PRKCB: variants seen among roughly 807,000 people sequenced by gnomAD.
PRKCB encodes protein kinase C beta type.
A neutral mutation model predicts 81.5 loss-of-function variants in PRKCB; 13 were observed. The ratio of observed to expected loss-of-function variants is 0.16; its 90% CI spans 0.10 to 0.25. PRKCB has a LOEUF of 0.25. PRKCB is among the 10% of genes least tolerant of loss of function. The probability of loss-of-function intolerance (pLI) is 1.00; values close to 1 mark genes in which losing one functional copy is unlikely to be tolerated. For missense variants in PRKCB, 509 were observed against 875.7 expected (o/e 0.58, Z 5.29); for synonymous variants, 335 against 321.4 (o/e 1.04, Z -0.45).
chr16:24,109,095 G>C (rs1298392805), intron 7 of PRKCB, among the ~76,000 whole-genome samples: 1 of 147,512 alleles, frequency 6.8e-6, no homozygotes, highest in East Asian at 2.1e-4. Context: ...TCACTTCCCA[G>C]TAGGGGCGGC....
rs1441957702 is a variant in PRKCB at position 24,046,850 on chromosome 16, A to G, written c.529+11303A>G. Among the ~76,000 whole-genome samples the G allele has an allele frequency of 2.0e-5, 3 of 152,180 alleles. No homozygotes were observed. The East Asian group carries it at 5.8e-4, about 29-fold the overall frequency. On this transcript the variant is annotated intron_variant, in intron 5 of 16. Transcript: ENST00000643927. ...GCAAGGTCAGTGTGTTTAGGCCCCA[A>G]AACCACCCAGTGGGGGCAGTCATTT...
chr16:24,191,405 A>C, intron 16 of PRKCB, 175 bp downstream of exon 16: 1 of 593,772 alleles, frequency 1.7e-6, no homozygotes, highest in Non-Finnish European at 2.8e-6. Flanking sequence ...GACATTTTCC[A>C]TTGGCCCAGC....
At chr16:24,161,524 TACCACAA>T (rs1967257674) in intron 10 of PRKCB, among the ~76,000 whole-genome samples, 1 of 152,220 alleles carries the variant, frequency 6.6e-6, no homozygotes, top group Non-Finnish European at 1.5e-5. Flanking sequence ...TTTTTTAATG[TACCACAA>T]GATGGCAAAG....
At chr16:24,052,159 A>C (rs905948913) in intron 5 of PRKCB, among the ~76,000 whole-genome samples, 1 of 152,260 alleles carries the variant, frequency 6.6e-6, no homozygotes, top group Non-Finnish European at 1.5e-5. Context: ...GCATAGTTAA[A>C]AATGCCAATG....
At chr16:24,103,276 T>G (rs531440610) in intron 7 of PRKCB, among the ~76,000 whole-genome samples, 2 of 152,364 alleles carry the variant, frequency 1.3e-5, no homozygotes, top group African/African-American at 4.8e-5. Context: ...AGTTGAGGTT[T>G]TAGTTTCTTT....
chr16:24,073,069 G>C (rs997321885), intron 5 of PRKCB, among the ~76,000 whole-genome samples: 1 of 152,160 alleles, frequency 6.6e-6, no homozygotes, highest in African/African-American at 2.4e-5. Context: ...CTGCCTCTCT[G>C]GCCTTGTTAG....
chr16:23,868,621 G>A (rs759258753), intron 2 of PRKCB, among the ~76,000 whole-genome samples: 6 of 152,170 alleles, frequency 3.9e-5, no homozygotes, highest in East Asian at 3.8e-4. Flanking sequence ...ATAACAAAAC[G>A]CATGCTCTTA....
At chr16:24,164,857 A>G (rs1447564847) in intron 10 of PRKCB, among the ~76,000 whole-genome samples, 2 of 152,190 alleles carry the variant, frequency 1.3e-5, no homozygotes, top group African/African-American at 2.4e-5. Flanking sequence ...TGTGGTGATA[A>G]GGAAGATTTT....
chr16:23,923,208 G>C (rs747027893), intron 2 of PRKCB, among the ~76,000 whole-genome samples: 1 of 152,042 alleles, frequency 6.6e-6, no homozygotes, highest in Admixed American at 6.5e-5. Flanking sequence ...AAAAGTCCAA[G>C]GGTAGCTGCC....
intron 15 of PRKCB, among the ~76,000 whole-genome samples, chr16:24,190,841 G>A (rs1021807850): frequency 6.6e-6 from 1 of 152,054 alleles, no homozygotes; most frequent in African/African-American, 2.4e-5. Flanking sequence ...CTAACTTGAA[G>A]TTCACGGCCA....
rs140175711 is a variant in PRKCB at position 23,875,716 on chromosome 16, A to G, written c.205+38310A>G. Among the ~76,000 whole-genome samples the G allele has an allele frequency of 9.0e-4, 116 of 128,184 alleles. 13 individuals carry two copies. Among genetic ancestry groups the G allele is most frequent in the African/African-American group, 3.3e-3 (104 of 31,462 alleles). The allele number at this position is 128,184 out of a possible 152,430, so 84.1% of individuals were successfully genotyped here. On this transcript the variant is annotated intron_variant, in intron 2 of 16. Transcript: ENST00000643927. ...GTATGTATATCACACATATATATGT[A>G]TGTATATCACACATATATATGTATG...
intron 2 of PRKCB, among the ~76,000 whole-genome samples, chr16:23,883,869 T>C (rs1963160496): frequency 6.6e-6 from 1 of 152,210 alleles, no homozygotes; most frequent in African/African-American, 2.4e-5. Context: ...ACCTGAGCTG[T>C]GTATGTAATT....
chr16:23,838,789 G>A (rs1282195559), intron 2 of PRKCB, among the ~76,000 whole-genome samples: 2 of 152,200 alleles, frequency 1.3e-5, no homozygotes, highest in East Asian at 1.9e-4. Context: ...TGAGATCGGG[G>A]TCCCGGTGGG....
chr16:24,103,725 C>T (rs2141909695), intron 7 of PRKCB, among the ~76,000 whole-genome samples: 1 of 152,298 alleles, frequency 6.6e-6, no homozygotes, highest in African/African-American at 2.4e-5. Flanking sequence ...CTCCCCTCTA[C>T]AGTTCCTAGT....
chr16:23,853,785 T>G (rs934935954), intron 2 of PRKCB, among the ~76,000 whole-genome samples: 1 of 151,618 alleles, frequency 6.6e-6, no homozygotes, highest in African/African-American at 2.4e-5. Flanking sequence ...TGTCAGACTT[T>G]CTAGTTTTTC....
chr16:24,116,893 T>C (rs920898254), intron 8 of PRKCB, among the ~76,000 whole-genome samples: 2 of 152,198 alleles, frequency 1.3e-5, no homozygotes, highest in Non-Finnish European at 2.9e-5. Context: ...TGGGGTGACA[T>C]TTCAGAACAC....
chr16:24,112,946 G>A, intron 7 of PRKCB, 27 bp from the exon 8 acceptor site: 3 of 1,490,262 alleles, frequency 2.0e-6, no homozygotes, highest in East Asian at 2.3e-5. Flanking sequence ...GTCATGAAAT[G>A]TGTCCCACCC....
At chr16:24,140,572 G>A (rs902758924) in intron 9 of PRKCB, among the ~76,000 whole-genome samples, 2 of 152,120 alleles carry the variant, frequency 1.3e-5, no homozygotes, top group Non-Finnish European at 1.5e-5. Context: ...CAGTCATAGG[G>A]GTGTGGAAAA....
intron 9 of PRKCB, among the ~76,000 whole-genome samples, chr16:24,143,706 CTTGT>C (rs1476672800): frequency 6.6e-6 from 1 of 152,194 alleles, no homozygotes; most frequent in Non-Finnish European, 1.5e-5. Flanking sequence ...AGAAGACTCA[CTTGT>C]TTGTTTCATG....
Sources: gnomAD v4.1 joint callset for allele counts (sites outside exome capture counted in the v4.1 genomes callset) on GRCh38, gnomAD v4.1.1 for gene constraint, MANE v1.5 for transcripts, NCBI Gene and HGNC (gene_info 2026-07-23, HGNC 2026-07-21) for gene names.